ST18: variants seen among roughly 807,000 people sequenced by gnomAD.
ST18 encodes the protein ST18 C2H2C-type zinc finger transcription factor, also known as suppression of tumorigenicity 18 protein.
Under a neutral mutation model 110.0 loss-of-function variants are expected in ST18, and 50 were observed. That is an observed-to-expected ratio of 0.45 (90% CI 0.36 to 0.58). ST18 has a LOEUF of 0.58. Ranked by LOEUF, ST18 falls within the 20% of genes least tolerant of loss-of-function variation. The pLI is 0.00. For missense variants in ST18, 1,306 were observed against 1,280.1 expected (o/e 1.02, Z -0.31); for synonymous variants, 461 against 452.4 (o/e 1.02, Z -0.24).
intron 2 of ST18, among the ~76,000 whole-genome samples, chr8:52,394,637 T>TG (rs1412119565): frequency 3.3e-5 from 5 of 152,128 alleles, no homozygotes; most frequent in Admixed American, 3.3e-4. Flanking sequence ...TTAAATGGTG[T>TG]GGGAAGGGAA....
chr8:52,201,251 G>A (rs551532227), intron 8 of ST18: 274 of 152,450 alleles, frequency 1.8e-3, no homozygotes, highest in African/African-American at 6.4e-3. Flanking sequence ...TGATCTTCCA[G>A]GACAGACTGT....
rs574724379 is a variant in ST18, at chr8:52,253,490, T to A, written c.-464-23413A>T. On this transcript the variant is annotated intron_variant, in intron 2 of 25. Coordinates refer to ENST00000689386, the MANE Select transcript of ST18 (RefSeq NM_001352837.2). ...GTATCGTTTTTATAGGCTACTCTTA[T>A]CCAATTCTCTAAATATTTAAAGACA... Among the ~76,000 whole-genome samples, 135 of 152,280 alleles carry A rather than the reference T, an allele frequency of 8.9e-4. 2 individuals are homozygous for A. The highest frequency in any genetic ancestry group is 3.0e-3 in the African/African-American group (124 of 41,580).
chr8:52,175,985 T>G (rs1401702894), intron 9 of ST18, among the ~76,000 whole-genome samples: 2 of 151,758 alleles, frequency 1.3e-5, no homozygotes, highest in East Asian at 1.9e-4. Context: ...TTTTCAAGAG[T>G]GAATTTATAT....
chr8:52,292,942 T>C (rs1589673577), intron 2 of ST18, among the ~76,000 whole-genome samples: 2 of 152,282 alleles, frequency 1.3e-5, no homozygotes, highest in East Asian at 3.9e-4. Context: ...TATGAACAAA[T>C]AGGCATGCAG....
intron 2 of ST18, among the ~76,000 whole-genome samples, chr8:52,338,640 T>C (rs1485893189): frequency 6.6e-6 from 1 of 152,032 alleles, no homozygotes; most frequent in Admixed American, 6.6e-5. Flanking sequence ...CCCAGGCTGG[T>C]CTCAAACTCC....
chr8:52,348,560 C>T (rs10808870), intron 2 of ST18, among the ~76,000 whole-genome samples: 146,906 of 152,294 alleles, frequency 0.96, 71,067 homozygotes, highest in Middle Eastern at 1. Context: ...GCCTGGCCAA[C>T]ATGGTGAAAC....
chr8:52,253,820 T>C (rs2094430314), intron 2 of ST18, among the ~76,000 whole-genome samples: 1 of 152,134 alleles, frequency 6.6e-6, no homozygotes, highest in Admixed American at 6.6e-5. Flanking sequence ...AAATAGTCTC[T>C]CTTGCAAATT....
chr8:52,304,875 G>A (rs2095789735), intron 2 of ST18, among the ~76,000 whole-genome samples: 1 of 152,146 alleles, frequency 6.6e-6, no homozygotes, highest in African/African-American at 2.4e-5. Context: ...TCTTACAAGA[G>A]CACTAATCCC....
At chr8:52,302,564 A>G (rs2095744016) in intron 2 of ST18, among the ~76,000 whole-genome samples, 1 of 152,182 alleles carries the variant, frequency 6.6e-6, no homozygotes. Flanking sequence ...ACTAGCAGGG[A>G]ACTGGACTCC....
chr8:52,238,188 A>G (rs2092944451), intron 2 of ST18, among the ~76,000 whole-genome samples: 1 of 152,220 alleles, frequency 6.6e-6, no homozygotes, highest in Non-Finnish European at 1.5e-5. Context: ...GTTTCTATAT[A>G]ATCCAACAAT....
intron 2 of ST18, among the ~76,000 whole-genome samples, chr8:52,402,399 C>T (rs1843061643): frequency 3.3e-5 from 5 of 152,136 alleles, no homozygotes; most frequent in Admixed American, 2.0e-4. Context: ...AGGTCTCCCA[C>T]CAAGCCAAGG....
At chr8:52,387,956 AC>A (rs897641462) in intron 2 of ST18, among the ~76,000 whole-genome samples, 12 of 89,402 alleles carry the variant, frequency 1.3e-4, no homozygotes, top group East Asian at 8.4e-4. Flanking sequence ...CACCCTCCCC[AC>A]CCCCCCGCCC....
At chr8:52,399,563 A>G (rs1842247426) in intron 2 of ST18, among the ~76,000 whole-genome samples, 1 of 150,976 alleles carries the variant, frequency 6.6e-6, no homozygotes, top group Non-Finnish European at 1.5e-5. Flanking sequence ...TAATGTAGGC[A>G]TGTATTGCTA....
At chr8:52,291,127 A>C (rs2095549839) in intron 2 of ST18, among the ~76,000 whole-genome samples, 1 of 152,214 alleles carries the variant, frequency 6.6e-6, no homozygotes, top group East Asian at 1.9e-4. Context: ...CTCTTTTCCC[A>C]CCACAGTATG....
chr8:52,311,000 T>C (rs62499827), intron 2 of ST18, among the ~76,000 whole-genome samples: 18,184 of 152,220 alleles, frequency 0.12, 1,465 homozygotes, highest in Middle Eastern at 0.24. Flanking sequence ...AGATATATTC[T>C]AGAGCTCACA....
chr8:52,299,334 A>AT (rs1318397654), intron 2 of ST18, among the ~76,000 whole-genome samples: 12 of 151,994 alleles, frequency 7.9e-5, no homozygotes, highest in African/African-American at 2.4e-4. Flanking sequence ...TCTCTCTTTA[A>AT]TTTTGTCTAG....
chr8:52,132,872 CT>C (rs1403251480), intron 21 of ST18, among the ~76,000 whole-genome samples, 184 bp downstream of exon 21: 1 of 152,148 alleles, frequency 6.6e-6, no homozygotes, highest in Non-Finnish European at 1.5e-5. Flanking sequence ...TATCAAAGAG[CT>C]GTGGAAGTGT....
chr8:52,158,957 T>G lies in ST18; in HGVS notation c.1747A>C (p.Thr583Pro), dbSNP rs759547900. Residue 583 changes from threonine (T) to proline (P), a missense_variant, in exon 15 of 26, where the codon ACC becomes CCC. Coordinates refer to ENST00000689386, the MANE Select transcript of ST18 (RefSeq NM_001352837.2). ...ATGTCTGTGGCTTCCCTGCAGCGGGTGGAAAGGTTCAGGATGGCAGCAGCT... is the reference window on the plus strand; with the variant it reads ...ATGTCTGTGGCTTCCCTGCAGCGGGGGGAAAGGTTCAGGATGGCAGCAGCT... The part of the protein sequence containing the change: ...AAAAAILNLS[T>P]RCREATDILS... The G allele has an allele frequency of 6.2e-5, 100 of 1,613,666 alleles. No homozygotes were observed. The highest frequency in any genetic ancestry group is 3.3e-4 in the Middle Eastern group (2 of 6,060).
intron 2 of ST18, among the ~76,000 whole-genome samples, chr8:52,265,397 A>G (rs2094836738): frequency 2.0e-5 from 3 of 152,224 alleles, no homozygotes; most frequent in Admixed American, 2.0e-4. Flanking sequence ...GCTAGAGGAT[A>G]AACACAATCT....
Sources: gnomAD v4.1 joint callset for allele counts (sites outside exome capture counted in the v4.1 genomes callset) on GRCh38, gnomAD v4.1.1 for gene constraint, MANE v1.5 for transcripts, NCBI Gene and HGNC (gene_info 2026-07-23, HGNC 2026-07-21) for gene names.